PDGFD: variants seen among roughly 807,000 people sequenced by gnomAD.
PDGFD encodes the protein platelet derived growth factor D, also known as platelet-derived growth factor D.
PDGFD carries 30 observed loss-of-function variants against 44.7 expected under a neutral mutation model. That is an observed-to-expected ratio of 0.67 (90% CI 0.50 to 0.91). The LOEUF (loss-of-function observed/expected upper bound fraction) is 0.91. Among genes scored for constraint, PDGFD ranks in the 40% least tolerant of loss-of-function variants. The probability of loss-of-function intolerance (pLI) is 0.00; values close to 1 mark genes in which losing one functional copy is unlikely to be tolerated. For synonymous variants in PDGFD, 173 were observed against 168.4 expected, an observed-to-expected ratio of 1.03 and a Z score of -0.21; for missense variants, 445 against 457.8, an observed-to-expected ratio of 0.97 and a Z score of 0.25.
chr11:103,998,385 G>A (rs1239602329), intron 2 of PDGFD, among the ~76,000 whole-genome samples: 1 of 152,118 alleles, frequency 6.6e-6, no homozygotes, highest in Non-Finnish European at 1.5e-5. Flanking sequence ...GAGGGAGAGG[G>A]CCTGGAGATG....
intron 1 of PDGFD, among the ~76,000 whole-genome samples, chr11:104,030,958 T>C (rs954790015): frequency 6.6e-6 from 1 of 152,140 alleles, no homozygotes; most frequent in Non-Finnish European, 1.5e-5. Flanking sequence ...CATAACTCAT[T>C]AATTTATATT....
chr11:103,943,341 T>G, intron 5 of PDGFD, 111 bp downstream of exon 5: 1 of 1,072,880 alleles, frequency 9.3e-7, no homozygotes. Context: ...CCAAAAAGCA[T>G]CCAAAATCCA....
At position 103,942,729 on chromosome 11, in the gene PDGFD, A is replaced by T. The variant is rs572589336; in HGVS notation, c.772+723T>A. Among the ~76,000 whole-genome samples, 7 of 152,260 alleles carry T rather than the reference A, an allele frequency of 4.6e-5. 1 individual carries two copies. In the South Asian group the frequency reaches 1.4e-3, roughly 32 times the overall value. On this transcript the variant is annotated intron_variant, in intron 5 of 6. Transcript: ENST00000393158. ...AGGGTTCTCTCCTGCCAACACTGAC[A>T]TCCCTGGACTAAACCAATCTTCACA... is the stretch of plus-strand genomic sequence containing the variant.
chr11:104,003,531 G>T (rs556991602), intron 1 of PDGFD, among the ~76,000 whole-genome samples: 1 of 152,310 alleles, frequency 6.6e-6, no homozygotes, highest in East Asian at 1.9e-4. Flanking sequence ...CACTTTGGGG[G>T]AAAAATAGAA....
At chr11:103,982,946 T>C (rs1232851952) in intron 3 of PDGFD, among the ~76,000 whole-genome samples, 2 of 151,722 alleles carry the variant, frequency 1.3e-5, no homozygotes, top group Admixed American at 6.6e-5. Context: ...AAACATTCCA[T>C]GCTCATGGAT....
intron 1 of PDGFD, among the ~76,000 whole-genome samples, chr11:104,092,261 C>T (rs980879326): frequency 2.6e-5 from 4 of 152,130 alleles, no homozygotes; most frequent in Non-Finnish European, 5.9e-5. Flanking sequence ...CCTAAATTGG[C>T]TTATGATTAC....
chr11:104,096,869 A>G (rs1861296956), intron 1 of PDGFD, among the ~76,000 whole-genome samples: 1 of 152,210 alleles, frequency 6.6e-6, no homozygotes, highest in African/African-American at 2.4e-5. Context: ...TGTGCTAAGG[A>G]GTAGTGATGT....
intron 1 of PDGFD, among the ~76,000 whole-genome samples, chr11:104,087,195 A>T (rs1157874275): frequency 3.9e-5 from 5 of 129,106 alleles, no homozygotes; most frequent in African/African-American, 1.2e-4. Context: ...CAACTGGCTA[A>T]TTTTTTTTTT....
At chr11:104,028,944 G>T (rs76240541) in intron 1 of PDGFD, among the ~76,000 whole-genome samples, 4,950 of 152,140 alleles carry the variant, frequency 0.033, 292 homozygotes, top group African/African-American at 0.11. Context: ...GAAAGTTAGA[G>T]TACGTAGTTA....
intron 1 of PDGFD, among the ~76,000 whole-genome samples, chr11:104,043,547 C>T (rs1860392636): frequency 6.6e-6 from 1 of 152,128 alleles, no homozygotes; most frequent in South Asian, 2.1e-4. Context: ...TACAGTTTGA[C>T]AATTGTACTA....
intron 1 of PDGFD, among the ~76,000 whole-genome samples, chr11:104,137,553 T>C (rs975222925): frequency 1.3e-5 from 2 of 151,904 alleles, no homozygotes; most frequent in Non-Finnish European, 2.9e-5. Flanking sequence ...AAGTACTGAG[T>C]CTCTTTAGTA....
intron 3 of PDGFD, among the ~76,000 whole-genome samples, chr11:103,971,542 A>G (rs1039454345): frequency 2.6e-5 from 4 of 152,218 alleles, no homozygotes; most frequent in Admixed American, 2.6e-4. Flanking sequence ...AGCAATGTGT[A>G]TACAGAGAAG....
At chr11:104,156,801 C>T (rs1418510041) in intron 1 of PDGFD, among the ~76,000 whole-genome samples, 1 of 152,174 alleles carries the variant, frequency 6.6e-6, no homozygotes, top group Admixed American at 6.5e-5. Flanking sequence ...TCAGAAGAAA[C>T]TATTTCTTCC....
At chr11:104,111,286 T>C (rs1861553205) in intron 1 of PDGFD, among the ~76,000 whole-genome samples, 1 of 144,854 alleles carries the variant, frequency 6.9e-6, no homozygotes, top group Non-Finnish European at 1.5e-5. Context: ...TTTTTTTAGA[T>C]TTCACTCTGG....
At chr11:104,002,486 T>A (rs1385363029) in intron 1 of PDGFD, among the ~76,000 whole-genome samples, 1 of 152,172 alleles carries the variant, frequency 6.6e-6, no homozygotes, top group East Asian at 1.9e-4. Flanking sequence ...TCTGCTATGA[T>A]TGTAAGTTTC....
intron 1 of PDGFD, among the ~76,000 whole-genome samples, chr11:104,021,319 T>C (rs375143464): frequency 4.6e-5 from 7 of 152,198 alleles, no homozygotes; most frequent in African/African-American, 1.7e-4. Flanking sequence ...ATATGATAGA[T>C]TGCATTATTG....
intron 1 of PDGFD, among the ~76,000 whole-genome samples, chr11:104,036,342 G>T (rs1367181671): frequency 6.6e-6 from 1 of 152,062 alleles, no homozygotes; most frequent in African/African-American, 2.4e-5. Context: ...TTTTCAGGAG[G>T]CTGAGAGAGG....
intron 1 of PDGFD, among the ~76,000 whole-genome samples, chr11:104,000,785 C>T (rs1297119487): frequency 1.3e-5 from 2 of 152,118 alleles, no homozygotes; most frequent in African/African-American, 4.8e-5. Flanking sequence ...CCTTCCACCA[C>T]GAAAAATCAT....
At chr11:103,949,279 A>G (rs1858713531) in intron 3 of PDGFD, among the ~76,000 whole-genome samples, 1 of 152,174 alleles carries the variant, frequency 6.6e-6, no homozygotes, top group Non-Finnish European at 1.5e-5. Flanking sequence ...CTGGGATTAC[A>G]GGCATGAGCC....
Sources: gnomAD v4.1 joint callset for allele counts (sites outside exome capture counted in the v4.1 genomes callset) on GRCh38, gnomAD v4.1.1 for gene constraint, MANE v1.5 for transcripts, NCBI Gene and HGNC (gene_info 2026-07-23, HGNC 2026-07-21) for gene names.